CALU: variants seen among roughly 807,000 people sequenced by gnomAD.
CALU encodes the protein calumenin.
In CALU, 13 loss-of-function variants were observed where a neutral mutation model predicts 37.5. That is an observed-to-expected ratio of 0.35 (90% CI 0.23 to 0.55). The LOEUF (loss-of-function observed/expected upper bound fraction) is 0.55. CALU is among the 20% of genes least tolerant of loss of function. The pLI, the probability that CALU is intolerant of heterozygous loss-of-function variation, is 0.89. For synonymous variants in CALU, 114 were observed against 133.8 expected (o/e 0.85, Z 1.02); for missense variants, 282 against 391.7 (o/e 0.72, Z 2.36).
chr7:128,748,459 T>C, intron 1 of CALU, 114 bp from the exon 2 acceptor site: 1 of 1,179,550 alleles, frequency 8.5e-7, no homozygotes, highest in Middle Eastern at 2.0e-4. Context: ...TATAAAAGAC[T>C]TGCATAGATA....
intron 1 of CALU, among the ~76,000 whole-genome samples, chr7:128,742,043 T>C (rs1404989619): frequency 6.6e-6 from 1 of 152,212 alleles, no homozygotes; most frequent in African/African-American, 2.4e-5. Flanking sequence ...TCACACAATA[T>C]AATTAGAATG....
rs150565977 is a variant in CALU at position 128,754,348 on chromosome 7, G to A, written c.308G>A (p.Arg103His). 10 of 1,614,078 alleles carry A rather than the reference G, an allele frequency of 6.2e-6. No homozygotes were observed. The highest frequency in any genetic ancestry group is 1.1e-5 in the South Asian group (1 of 91,082). ...GACTGGATTAAATTTGCACAAAAGC[G>A]CTGGATTTACGAGGATGTAGAGCGA... ...LKDWIKFAQK[R>H]WIYEDVERQW... Residue 103 changes from arginine (R) to histidine (H), a missense_variant, in exon 3 of 7, where the codon CGC becomes CAC. By Grantham distance (29) the Arg-to-His change is conservative. Transcript: ENST00000249364.
At chr7:128,742,396 T>G (rs2128876906) in intron 1 of CALU, among the ~76,000 whole-genome samples, 1 of 152,322 alleles carries the variant, frequency 6.6e-6, no homozygotes, top group Admixed American at 6.5e-5. Flanking sequence ...GAACTGGAAT[T>G]TTACTACCAC....
At chr7:128,746,265 C>A (rs1405716158) in intron 1 of CALU, among the ~76,000 whole-genome samples, 1 of 152,000 alleles carries the variant, frequency 6.6e-6, no homozygotes, top group Non-Finnish European at 1.5e-5. Flanking sequence ...TCCAGTACTT[C>A]TCGTGCCTCA....
At chr7:128,746,151 G>T (rs339050) in intron 1 of CALU, among the ~76,000 whole-genome samples, 5 of 150,946 alleles carry the variant, frequency 3.3e-5, no homozygotes, top group Admixed American at 6.6e-5. Context: ...GATGCATCTC[G>T]TTCTTTTTTT....
In CALU at chr7:128,748,807, A is replaced by G; in HGVS notation, c.221+3A>G. The stretch of plus-strand genomic sequence containing the variant: ...GAAGAGAGCAAGGAAAGGCTTGGGT[A>G]AGGTACCACCTCTCAGGGGTCTAGT... On this transcript the variant is annotated splice_donor_region_variant and intron_variant, in intron 2 of 6. Coordinates refer to ENST00000249364, the MANE Select transcript of CALU (RefSeq NM_001219.5). 1 of 1,603,226 alleles carries G rather than the reference A, an allele frequency of 6.2e-7. No individual in the cohort carries two copies. The highest frequency in any genetic ancestry group is 8.5e-7 in the Non-Finnish European group (1 of 1,170,098).
rs935226356 is a variant in CALU at position 128,764,147 on chromosome 7, G to C, written c.644-3309G>C. Among the ~76,000 whole-genome samples, 4 of 152,086 alleles carry C rather than the reference G, an allele frequency of 2.6e-5. No homozygotes were observed. In the South Asian group the frequency reaches 8.3e-4, roughly 32 times the overall value. ...AGTTGTAAAGAATAGTCTCTGTTGG[G>C]CCGGATGCCGTAGCTCATTCCTGTA... On this transcript the variant is annotated intron_variant, in intron 5 of 6. Coordinates refer to ENST00000249364, the MANE Select transcript of CALU (RefSeq NM_001219.5).
intron 3 of CALU, among the ~76,000 whole-genome samples, chr7:128,755,711 G>A (rs1259489254): frequency 6.6e-6 from 1 of 152,194 alleles, no homozygotes; most frequent in East Asian, 1.9e-4. Context: ...ATACTAGGCA[G>A]TGAGTCTTAT....
intron 4 of CALU, among the ~76,000 whole-genome samples, chr7:128,759,327 A>G (rs976548677): frequency 6.6e-6 from 1 of 152,166 alleles, no homozygotes; most frequent in Non-Finnish European, 1.5e-5. Flanking sequence ...AATGGGGGGA[A>G]ATCCCATTAT....
intron 3 of CALU, among the ~76,000 whole-genome samples, chr7:128,756,360 G>A (rs934534710): frequency 2.6e-5 from 4 of 152,210 alleles, no homozygotes; most frequent in Non-Finnish European, 5.9e-5. Flanking sequence ...ATGATTCAAC[G>A]TAATGGGTAT....
chr7:128,770,436 G>A lies in CALU; in HGVS notation c.*1269G>A, dbSNP rs908924379. 6.6e-6 allele frequency: 1 copy of A among 152,502 alleles called. No individual in the cohort carries two copies. Among genetic ancestry groups the A allele is most frequent in the Non-Finnish European group, 1.5e-5 (1 of 68,026 alleles). The allele number at this position is 152,502 out of a possible 1,614,324, so 9.4% of individuals were successfully genotyped here. A position where few individuals can be genotyped will look rare whatever the true frequency, so the allele number is the denominator to read the frequency against. On this transcript the variant is annotated 3_prime_UTR_variant, in exon 7 of 7. Transcript: ENST00000249364. Reference sequence around the variant, plus strand: ...ACCACTTACTACCAGGCCTTTTTCTGTGTCCACTGGAGAGCTTGAGCTCAC... The same window carrying A: ...ACCACTTACTACCAGGCCTTTTTCTATGTCCACTGGAGAGCTTGAGCTCAC...
chr7:128,745,775 C>T (rs1218791065), intron 1 of CALU, among the ~76,000 whole-genome samples: 1 of 152,128 alleles, frequency 6.6e-6, no homozygotes, highest in African/African-American at 2.4e-5. Context: ...GAGTGTTGTT[C>T]ACCCAGAGCA....
intron 2 of CALU, among the ~76,000 whole-genome samples, 163 bp from the exon 3 acceptor site, chr7:128,754,099 A>T (rs536108399): frequency 6.6e-6 from 1 of 152,342 alleles, no homozygotes; most frequent in South Asian, 2.1e-4. Context: ...CACGTGGCTT[A>T]TTACAGACCA....
intron 3 of CALU, among the ~76,000 whole-genome samples, chr7:128,756,596 G>C (rs943203611): frequency 6.6e-6 from 1 of 152,138 alleles, no homozygotes; most frequent in African/African-American, 2.4e-5. Context: ...CGCTATCCAT[G>C]AGAGAAAGGT....
intron 5 of CALU, among the ~76,000 whole-genome samples, chr7:128,765,868 A>T (rs1033604934): frequency 2.0e-5 from 3 of 152,202 alleles, no homozygotes; most frequent in African/African-American, 7.2e-5. Flanking sequence ...AAATAAGTTG[A>T]TGGAAGATTT....
intron 5 of CALU, among the ~76,000 whole-genome samples, chr7:128,762,932 G>T (rs1176055628): frequency 6.6e-6 from 1 of 152,054 alleles, no homozygotes; most frequent in Non-Finnish European, 1.5e-5. Flanking sequence ...CTCCCAAAGT[G>T]CTGGGATTAC....
chr7:128,762,329 T>A (rs1167731486), intron 5 of CALU, among the ~76,000 whole-genome samples: 1 of 152,008 alleles, frequency 6.6e-6, no homozygotes, highest in Admixed American at 6.5e-5. Flanking sequence ...GCAGAGGAGT[T>A]ATATTTTGAA....
In CALU at chr7:128,770,644, T is replaced by G. The variant is rs975986947; in HGVS notation, c.*1477T>G. Reference sequence around the variant, plus strand: ...TTTCAGTCCTTATCAAAGAGAGATGTGGAAAGAGCTAAAGAAACCACCCTT... The same window carrying G: ...TTTCAGTCCTTATCAAAGAGAGATGGGGAAAGAGCTAAAGAAACCACCCTT... On this transcript the variant is annotated 3_prime_UTR_variant, in exon 7 of 7. Coordinates refer to ENST00000249364, the MANE Select transcript of CALU (RefSeq NM_001219.5). 3 of 152,060 alleles carry G rather than the reference T, an allele frequency of 2.0e-5. No homozygotes were observed. Among genetic ancestry groups the G allele is most frequent in the African/African-American group, 7.3e-5 (3 of 41,298 alleles). The allele number at this position is 152,060 out of a possible 1,614,324, so 9.4% of individuals were successfully genotyped here.
intron 5 of CALU, among the ~76,000 whole-genome samples, chr7:128,763,585 A>C (rs1185315588): frequency 2.0e-5 from 3 of 152,176 alleles, no homozygotes; most frequent in Admixed American, 1.3e-4. Context: ...TATCATGGTC[A>C]CCTAGCTTTA....
Sources: gnomAD v4.1 joint callset for allele counts (sites outside exome capture counted in the v4.1 genomes callset) on GRCh38, gnomAD v4.1.1 for gene constraint, MANE v1.5 for transcripts, NCBI Gene and HGNC (gene_info 2026-07-23, HGNC 2026-07-21) for gene names.